The following CEP57L1 variants were observed in gnomAD, a reference collection of about 807,000 sequenced individuals.
CEP57L1 encodes centrosomal protein 57 like 1.
Under a neutral mutation model 61.0 loss-of-function variants are expected in CEP57L1, and 37 were observed. The ratio of observed to expected loss-of-function variants is 0.61; its 90% CI spans 0.47 to 0.80. The LOEUF is 0.80. CEP57L1 is among the 30% of genes least tolerant of loss of function. The pLI is 0.00. For synonymous variants in CEP57L1, 137 were observed against 162.3 expected (o/e 0.84, Z 1.19); for missense variants, 422 against 524.7 (o/e 0.80, Z 1.91).
chr6:109,165,285 A>G lies in CEP57L1; in HGVS notation c.*2315A>G, dbSNP rs891507853. ...GTTTCTCATCTGTAAAGTGAGGATT[A>G]TACTAATATCTCCCTCACAGGACTA... On this transcript the variant is annotated 3_prime_UTR_variant, in exon 11 of 11. Coordinates refer to ENST00000517392, the MANE Select transcript of CEP57L1 (RefSeq NM_001271852.3). 1.6e-4 allele frequency among the ~76,000 whole-genome samples: 24 copies of G among 152,048 alleles called. No homozygotes were observed. The highest frequency in any genetic ancestry group is 5.8e-4 in the African/African-American group (24 of 41,406).
intron 9 of CEP57L1, among the ~76,000 whole-genome samples, chr6:109,160,073 A>G (rs1773584581): frequency 6.6e-6 from 1 of 152,210 alleles, no homozygotes; most frequent in Non-Finnish European, 1.5e-5. Context: ...CTGCTTAAAT[A>G]TATATTCAAC....
chr6:109,103,102 A>G (rs1453887930), intron 1 of CEP57L1, among the ~76,000 whole-genome samples: 1 of 152,144 alleles, frequency 6.6e-6, no homozygotes, highest in Non-Finnish European at 1.5e-5. Flanking sequence ...GCAAAAATCA[A>G]CCTGTGATTT....
intron 1 of CEP57L1, among the ~76,000 whole-genome samples, chr6:109,139,844 C>G (rs1045383238): frequency 8.5e-5 from 13 of 152,072 alleles, no homozygotes; most frequent in East Asian, 1.9e-4. Flanking sequence ...GTTGGCCAGG[C>G]TGGTCTCGAA....
intron 1 of CEP57L1, among the ~76,000 whole-genome samples, chr6:109,112,043 G>A (rs77458111): frequency 0.06 from 9,190 of 152,248 alleles, 925 homozygotes; most frequent in African/African-American, 0.21. Flanking sequence ...CCTCATAAAT[G>A]AGTTAGGGAG....
Position 109,164,180 on chromosome 6 carries a change from G to A in CEP57L1, c.*1210G>A, listed in dbSNP as rs1773945031. ...TAGATGTGAAAGAATTTTTAGGTCA[G>A]GATCTTGGGAAGCTAAGGAGAGCAA... On this transcript the variant is annotated 3_prime_UTR_variant, in exon 11 of 11. Transcript: ENST00000517392. Among the ~76,000 whole-genome samples the A allele has an allele frequency of 6.6e-6, 1 of 152,148 alleles. No homozygotes were observed. The highest frequency in any genetic ancestry group is 2.4e-5 in the African/African-American group (1 of 41,444).
chr6:109,153,026 G>A (rs575143773), intron 4 of CEP57L1, among the ~76,000 whole-genome samples: 14 of 151,256 alleles, frequency 9.3e-5, no homozygotes, highest in Admixed American at 2.0e-4. Context: ...AGGGAGAATC[G>A]CATGAACCCA....
intron 2 of CEP57L1, among the ~76,000 whole-genome samples, chr6:109,146,086 A>G (rs1771931732): frequency 6.6e-6 from 1 of 151,968 alleles, no homozygotes; most frequent in South Asian, 2.1e-4. Flanking sequence ...TCTCATTTAT[A>G]AAAACAAAAT....
In CEP57L1 at chr6:109,149,391, G is replaced by T. The variant is rs2114891356; in HGVS notation, c.341-727G>T. On this transcript the variant is annotated intron_variant, in intron 3 of 10. Coordinates refer to ENST00000517392, the MANE Select transcript of CEP57L1 (RefSeq NM_001271852.3). ...TTAAATAGGGAATCCTTTCCCCGTT[G>T]CTTGTTTTTTCAGGTTTGTCAAAGA... is the stretch of plus-strand genomic sequence containing the variant. Among the ~76,000 whole-genome samples, 3 of 152,264 alleles carry T rather than the reference G, an allele frequency of 2.0e-5. 1 individual carries two copies. In the Middle Eastern group the frequency reaches 0.01, roughly 518 times the overall value.
At position 109,171,464 on chromosome 6, in the gene CEP57L1, C is replaced by T. The variant is rs1378868217; in HGVS notation, c.*8494C>T. 6.6e-6 allele frequency among the ~76,000 whole-genome samples: 1 copy of T among 151,652 alleles called. No individual in the cohort carries two copies. The highest frequency in any genetic ancestry group is 1.9e-4 in the East Asian group (1 of 5,170). ...TTCACCGTGTTAGCCAGGCTGGTCT[C>T]GAACTCCTGACCTTAGGTGAACTGC... is the stretch of plus-strand genomic sequence containing the variant. On this transcript the variant is annotated 3_prime_UTR_variant, in exon 11 of 11. Coordinates refer to ENST00000517392, the MANE Select transcript of CEP57L1 (RefSeq NM_001271852.3).
At chr6:109,115,870 A>C (rs1018618788) in intron 1 of CEP57L1, among the ~76,000 whole-genome samples, 5 of 152,164 alleles carry the variant, frequency 3.3e-5, no homozygotes, top group Non-Finnish European at 7.4e-5. Context: ...AAAAGCTTGT[A>C]AGTGGTAATA....
rs759462701 is a variant in CEP57L1 at position 109,155,804 on chromosome 6, T to A, written c.671T>A (p.Leu224His). 4 of 1,552,530 alleles carry A rather than the reference T, an allele frequency of 2.6e-6. No individual in the cohort carries two copies. In the South Asian group the frequency reaches 4.6e-5, roughly 18 times the overall value. Reference sequence around the variant, plus strand: ...TAAATATTACAGCTTCAAACTGGACTTGAAATCAGTAAAATTATAATGTCT... The same window carrying A: ...TAAATATTACAGCTTCAAACTGGACATGAAATCAGTAAAATTATAATGTCT... ...QDKASELQTG[L>H]EISKIIMSSV... The change falls in exon 7 of 11, where the codon CTT becomes CAT. Residue 224 changes from leucine (L) to histidine (H), a missense_variant. Coordinates refer to ENST00000517392, the MANE Select transcript of CEP57L1 (RefSeq NM_001271852.3).
At chr6:109,120,945 C>CAT (rs1562518467) in intron 1 of CEP57L1, among the ~76,000 whole-genome samples, 2 of 148,546 alleles carry the variant, frequency 1.3e-5, no homozygotes, top group African/African-American at 5.2e-5. Flanking sequence ...CACACACACA[C>CAT]ACACACACAC....
At chr6:109,129,756 T>A (rs1773970767) in intron 1 of CEP57L1, among the ~76,000 whole-genome samples, 1 of 152,184 alleles carries the variant, frequency 6.6e-6, no homozygotes, top group African/African-American at 2.4e-5. Context: ...TTCCAAAGTT[T>A]TGTTGTTGTC....
intron 1 of CEP57L1, among the ~76,000 whole-genome samples, chr6:109,101,681 C>T (rs184820518): frequency 6.0e-5 from 9 of 149,304 alleles, no homozygotes; most frequent in African/African-American, 1.8e-4. Context: ...ACTGCAGTGG[C>T]GCCATCTCGG....
chr6:109,119,306 ACATAATTAGTAGTAGGAAAATCACTT>A (rs1216833036), intron 1 of CEP57L1, among the ~76,000 whole-genome samples: 1 of 152,156 alleles, frequency 6.6e-6, no homozygotes, highest in Non-Finnish European at 1.5e-5. Context: ...TTTTAGTGAA[ACATAATTAGTAGTAGGAAAATCACTT>A]CAAAAGGCTA....
intron 1 of CEP57L1, among the ~76,000 whole-genome samples, chr6:109,111,853 C>T (rs1771675147): frequency 6.6e-6 from 1 of 152,164 alleles, no homozygotes; most frequent in African/African-American, 2.4e-5. Flanking sequence ...TTGAACCAGC[C>T]TTGCATCACA....
intron 1 of CEP57L1, among the ~76,000 whole-genome samples, chr6:109,098,377 C>T (rs1781967020): frequency 6.6e-6 from 1 of 152,106 alleles, no homozygotes; most frequent in Non-Finnish European, 1.5e-5. Flanking sequence ...GAATTCCTAA[C>T]CTCAAGTGAT....
intron 1 of CEP57L1, chr6:109,125,122 A>G (rs1202253248): frequency 6.6e-6 from 1 of 152,182 alleles, no homozygotes. Flanking sequence ...GAAGGGGTAA[A>G]CAATACAAGT....
chr6:109,144,705 T>C (rs1687117895), intron 1 of CEP57L1, among the ~76,000 whole-genome samples: 1 of 152,106 alleles, frequency 6.6e-6, no homozygotes, highest in African/African-American at 2.4e-5. Flanking sequence ...GAGGTGTGTC[T>C]TATTCAAAGG....
Sources: gnomAD v4.1 joint callset for allele counts (sites outside exome capture counted in the v4.1 genomes callset) on GRCh38, gnomAD v4.1.1 for gene constraint, MANE v1.5 for transcripts, NCBI Gene and HGNC (gene_info 2026-07-23, HGNC 2026-07-21) for gene names.